Variants in PDGFRA observed in about 807,000 individuals in gnomAD.
PDGFRA encodes platelet derived growth factor receptor alpha.
PDGFRA carries 25 observed loss-of-function variants against 121.5 expected under a neutral mutation model. The observed-to-expected ratio is 0.21, with a 90% CI of 0.15 to 0.29. The LOEUF (loss-of-function observed/expected upper bound fraction) is 0.29. Ranked by LOEUF, PDGFRA falls within the 10% of genes least tolerant of loss-of-function variation. The pLI, the probability that PDGFRA is intolerant of heterozygous loss-of-function variation, is 1.00. For missense variants in PDGFRA, 1,008 were observed against 1,345.1 expected, an observed-to-expected ratio of 0.75 and a Z score of 3.92; for synonymous variants, 463 against 494.8, an observed-to-expected ratio of 0.94 and a Z score of 0.85.
At chr4:54,245,441 G>C (rs902708810) in intron 1 of PDGFRA, among the ~76,000 whole-genome samples, 13 of 151,760 alleles carry the variant, frequency 8.6e-5, no homozygotes, top group African/African-American at 1.9e-4. Context: ...TTTCAACCCA[G>C]AATTTCATAT....
chr4:54,265,288 G>C, intron 5 of PDGFRA: 1 of 469,020 alleles, frequency 2.1e-6, no homozygotes, highest in Non-Finnish European at 3.9e-6. Flanking sequence ...TGTGCCGTAA[G>C]CCTTCTTTTT....
At chr4:54,268,397 G>A (rs566943280) in intron 7 of PDGFRA, among the ~76,000 whole-genome samples, 1 of 152,272 alleles carries the variant, frequency 6.6e-6, no homozygotes, top group African/African-American at 2.4e-5. Flanking sequence ...CAAGGAATTG[G>A]ATCAGATGAT....
chr4:54,237,299 A>G (rs1721071647), intron 1 of PDGFRA, among the ~76,000 whole-genome samples: 2 of 152,118 alleles, frequency 1.3e-5, no homozygotes, highest in African/African-American at 4.8e-5. Flanking sequence ...TCAGTAAATA[A>G]TCTTTCCTGG....
At position 54,290,390 on chromosome 4, in the gene PDGFRA, T is replaced by G. The variant is rs746381701; in HGVS notation, c.2958T>G (p.Asn986Lys). ...AVARMRVDSDNAYIGVTYKNE... is the reference protein window; with the variant it reads ...AVARMRVDSDKAYIGVTYKNE... ...CACGCATGCGTGTGGACTCAGACAATGCATACATTGGTGTCACCTACAAAA... is the reference window on the plus strand; with the variant it reads ...CACGCATGCGTGTGGACTCAGACAAGGCATACATTGGTGTCACCTACAAAA... The change falls in exon 22 of 23, where the codon AAT (asparagine) becomes AAG (lysine). Residue 986 changes from asparagine (N) to lysine (K), a missense_variant. Asn to Lys is a moderately conservative substitution (Grantham distance 94). Around this residue, in one of 5 missense-constraint regions of PDGFRA, gnomAD observed 204 missense variants for 243.0 expected, o/e 0.84. Transcript: ENST00000257290. 4 of 1,613,462 alleles carry G rather than the reference T, an allele frequency of 2.5e-6. No individual in the cohort carries two copies. Among genetic ancestry groups the G allele is most frequent in the African/African-American group, 1.3e-5 (1 of 74,926 alleles).
At chr4:54,291,435 A>G (rs1406231815) in intron 22 of PDGFRA, among the ~76,000 whole-genome samples, 1 of 152,206 alleles carries the variant, frequency 6.6e-6, no homozygotes, top group Non-Finnish European at 1.5e-5. Flanking sequence ...TATCTCACAA[A>G]TATTATCATA....
intron 1 of PDGFRA, among the ~76,000 whole-genome samples, chr4:54,241,403 A>C (rs1721288231): frequency 6.6e-6 from 1 of 152,170 alleles, no homozygotes; most frequent in Non-Finnish European, 1.5e-5. Context: ...AAGGAAATAT[A>C]GGACAAGTCA....
chr4:54,247,937 C>T (rs1263709492), intron 1 of PDGFRA, among the ~76,000 whole-genome samples: 4 of 151,638 alleles, frequency 2.6e-5, no homozygotes, highest in Non-Finnish European at 5.9e-5. Context: ...AACAGACAAA[C>T]AGCCAAATCG....
At chr4:54,235,842 T>C (rs1720979260) in intron 1 of PDGFRA, among the ~76,000 whole-genome samples, 1 of 152,266 alleles carries the variant, frequency 6.6e-6, no homozygotes, top group South Asian at 2.1e-4. Flanking sequence ...CTTACAAGAA[T>C]GCCACAGGGC....
At chr4:54,274,692 A>T (rs2110297781) in intron 11 of PDGFRA, 67 bp downstream of exon 11, 2 of 1,444,220 alleles carry the variant, frequency 1.4e-6, no homozygotes, top group Non-Finnish European at 2.0e-6. Flanking sequence ...AACCTAGTTC[A>T]GTGCTTGGCA....
intron 1 of PDGFRA, among the ~76,000 whole-genome samples, chr4:54,254,238 G>T (rs1350507707): frequency 6.6e-6 from 1 of 152,170 alleles, no homozygotes; most frequent in Non-Finnish European, 1.5e-5. Flanking sequence ...CTGCCATTAT[G>T]CATGAGTAAA....
intron 1 of PDGFRA, among the ~76,000 whole-genome samples, chr4:54,246,313 G>C (rs958550668): frequency 6.6e-6 from 1 of 152,072 alleles, no homozygotes; most frequent in Non-Finnish European, 1.5e-5. Context: ...CCACATAGTT[G>C]GAAGTAAAGC....
At chr4:54,263,222 G>T (rs1722850170) in intron 3 of PDGFRA, among the ~76,000 whole-genome samples, 1 of 152,090 alleles carries the variant, frequency 6.6e-6, no homozygotes, top group African/African-American at 2.4e-5. Context: ...AACAGAGTTG[G>T]ACTGTATTAT....
chr4:54,275,295 C>T (rs1723658330), intron 12 of PDGFRA, among the ~76,000 whole-genome samples: 1 of 152,066 alleles, frequency 6.6e-6, no homozygotes, highest in South Asian at 2.1e-4. Flanking sequence ...ATTTCTGTGA[C>T]TAAAAATGAG....
chr4:54,247,102 A>G (rs1374910346), intron 1 of PDGFRA, among the ~76,000 whole-genome samples: 2 of 152,246 alleles, frequency 1.3e-5, no homozygotes, highest in Non-Finnish European at 2.9e-5. Context: ...AAAAGAGTCC[A>G]GGACCAGATG....
At chr4:54,232,795 T>C (rs1045209328) in intron 1 of PDGFRA, among the ~76,000 whole-genome samples, 2 of 152,266 alleles carry the variant, frequency 1.3e-5, no homozygotes, top group East Asian at 3.9e-4. Context: ...ATATTGGCCA[T>C]GCTGGTCTCG....
intron 5 of PDGFRA, among the ~76,000 whole-genome samples, chr4:54,265,565 C>A (rs28600756): frequency 0.18 from 27,201 of 151,998 alleles, 2,943 homozygotes; most frequent in Admixed American, 0.28. Context: ...TTCAGTGAAC[C>A]GTTATGATGT....
chr4:54,250,288 A>G (rs915220476), intron 1 of PDGFRA, among the ~76,000 whole-genome samples: 1 of 152,204 alleles, frequency 6.6e-6, no homozygotes, highest in Non-Finnish European at 1.5e-5. Flanking sequence ...TGTAATATCA[A>G]CTGTTTAAAC....
chr4:54,277,306 G>A (rs746728074), intron 12 of PDGFRA, 82 bp from the exon 13 acceptor site: 4 of 921,534 alleles, frequency 4.3e-6, no homozygotes, highest in South Asian at 3.9e-5. Flanking sequence ...CCAGCTGTCC[G>A]CCCGCAGAGA....
At chr4:54,271,934 C>CTCCT (rs368158132) in intron 8 of PDGFRA, among the ~76,000 whole-genome samples, 4,258 of 59,786 alleles carry the variant, frequency 0.071, 602 homozygotes, top group African/African-American at 0.12. Context: ...TTTCCTTTCT[C>CTCCT]TCCTTCCTTC....
Sources: allele counts gnomAD v4.1 joint callset (sites outside exome capture counted in the v4.1 genomes callset), GRCh38; gene constraint gnomAD v4.1.1; regional missense constraint gnomAD v4.1.1; transcripts MANE v1.5; gene names NCBI Gene and HGNC (gene_info 2026-07-23, HGNC 2026-07-21).